Variants in RARB observed in about 807,000 individuals in gnomAD.
RARB encodes HBV-activated protein.
A neutral mutation model predicts 51.9 loss-of-function variants in RARB; 17 were observed. That is an observed-to-expected ratio of 0.33 (90% CI 0.22 to 0.49). RARB has a LOEUF of 0.49. Among genes scored for constraint, RARB ranks in the 20% least tolerant of loss-of-function variants. RARB has a pLI of 0.99. For synonymous variants in RARB, 215 were observed against 195.4 expected, an observed-to-expected ratio of 1.10 and a Z score of -0.84; for missense variants, 369 against 550.8, an observed-to-expected ratio of 0.67 and a Z score of 3.30.
At chr3:24,954,966 A>G (rs930969251) in intron 2 of RARB, among the ~76,000 whole-genome samples, 7 of 152,216 alleles carry the variant, frequency 4.6e-5, no homozygotes, top group African/African-American at 1.7e-4. Context: ...ATGCTCTTCT[A>G]GCAGTTGCTG....
intron 2 of RARB, among the ~76,000 whole-genome samples, chr3:25,047,208 A>G (rs990614880): frequency 6.6e-6 from 1 of 152,230 alleles, no homozygotes; most frequent in African/African-American, 2.4e-5. Context: ...GGTAATTCCA[A>G]GGAAAATAAT....
intron 3 of RARB, among the ~76,000 whole-genome samples, chr3:25,074,628 C>T (rs1698834182): frequency 6.6e-6 from 1 of 152,002 alleles, no homozygotes; most frequent in African/African-American, 2.4e-5. Context: ...TTGCTTTCTC[C>T]TTTATACAAA....
At chr3:25,232,742 C>G (rs150166563) in intron 5 of RARB, among the ~76,000 whole-genome samples, 296 of 152,144 alleles carry the variant, frequency 1.9e-3, no homozygotes, top group Non-Finnish European at 3.1e-3. Flanking sequence ...AAAAATGATT[C>G]ACATTTAGTA....
At chr3:25,415,807 A>G (rs1707686966) in intron 5 of RARB, among the ~76,000 whole-genome samples, 1 of 152,210 alleles carries the variant, frequency 6.6e-6, no homozygotes, top group Non-Finnish European at 1.5e-5. Context: ...TCATTCATTC[A>G]GCAAATACTT....
chr3:25,537,395 A>G (rs1354517076), intron 3 of RARB, among the ~76,000 whole-genome samples: 2 of 152,218 alleles, frequency 1.3e-5, no homozygotes, highest in Admixed American at 1.3e-4. Context: ...GTGTTTGAAT[A>G]GGCCCCGAAT....
rs1225194936 is a variant in RARB, at chr3:25,041,884, G to A, written c.-379-18241G>A. Among the ~76,000 whole-genome samples, 6 of 152,200 alleles carry A rather than the reference G, an allele frequency of 3.9e-5. No individual in the cohort carries two copies. In the East Asian group the frequency reaches 9.7e-4, roughly 25 times the overall value. The stretch of plus-strand genomic sequence containing the variant: ...AAATTTAAGTGGAGGTGGTAATATA[G>A]CATCCATGGAACATGAGAATGTAAA... On this transcript the variant is annotated intron_variant, in intron 2 of 11. Coordinates refer to the RARB transcript ENST00000383772.
At chr3:24,881,961 A>C (rs775885705) in intron 2 of RARB, among the ~76,000 whole-genome samples, 1 of 152,238 alleles carries the variant, frequency 6.6e-6, no homozygotes, top group Non-Finnish European at 1.5e-5. Context: ...AGTTTTATGA[A>C]AAAAAGATAC....
At chr3:24,939,528 T>C (rs775496448) in intron 2 of RARB, among the ~76,000 whole-genome samples, 14 of 152,220 alleles carry the variant, frequency 9.2e-5, no homozygotes, top group African/African-American at 1.2e-4. Flanking sequence ...AAAATATTTG[T>C]TGGGTCAGAA....
chr3:25,340,015 G>C (rs921775833), intron 5 of RARB, among the ~76,000 whole-genome samples: 27 of 152,116 alleles, frequency 1.8e-4, no homozygotes, highest in African/African-American at 7.2e-5. Flanking sequence ...TAAAGACCCT[G>C]CCATGGACAT....
At chr3:24,883,652 T>C (rs1030084593) in intron 2 of RARB, among the ~76,000 whole-genome samples, 7 of 152,144 alleles carry the variant, frequency 4.6e-5, no homozygotes, top group Admixed American at 2.0e-4. Context: ...GTGTTGTTAA[T>C]GGTAAGCCTT....
At chr3:25,468,740 A>C (rs1176358435) in intron 2 of RARB, among the ~76,000 whole-genome samples, 4 of 152,216 alleles carry the variant, frequency 2.6e-5, no homozygotes, top group Admixed American at 1.3e-4. Context: ...ACAAAAAATT[A>C]AAAAAGGAAG....
intron 2 of RARB, among the ~76,000 whole-genome samples, chr3:24,979,539 A>T (rs1292956034): frequency 6.6e-6 from 1 of 151,318 alleles, no homozygotes; most frequent in Non-Finnish European, 1.5e-5. Context: ...AATTTGTTTT[A>T]TCAGAGGCCA....
At chr3:25,149,512 T>A (rs1366183329) in intron 4 of RARB, among the ~76,000 whole-genome samples, 7 of 152,236 alleles carry the variant, frequency 4.6e-5, no homozygotes, top group Non-Finnish European at 1.0e-4. Flanking sequence ...TTGCCAAAGC[T>A]GCATGGGAAA....
upstream of RARB, among the ~76,000 whole-genome samples, chr3:25,426,463 C>A (rs543135711): frequency 6.6e-6 from 1 of 152,352 alleles, no homozygotes; most frequent in African/African-American, 2.4e-5. Context: ...GCATACTTTT[C>A]ATGTTACACC....
At chr3:25,295,677 A>G (rs1436251036) in intron 5 of RARB, among the ~76,000 whole-genome samples, 2 of 152,172 alleles carry the variant, frequency 1.3e-5, no homozygotes, top group African/African-American at 2.4e-5. Flanking sequence ...AAATTCTCCC[A>G]GGCCTAAGAT....
At chr3:25,429,613 G>A (rs1415333866) in intron 1 of RARB, among the ~76,000 whole-genome samples, 10 of 152,136 alleles carry the variant, frequency 6.6e-5, no homozygotes. Flanking sequence ...AGTTCAGCCC[G>A]GAACGTGGAC....
intron 5 of RARB, among the ~76,000 whole-genome samples, chr3:25,328,724 G>A (rs1056291741): frequency 6.6e-6 from 1 of 152,154 alleles, no homozygotes; most frequent in Admixed American, 6.5e-5. Context: ...GCAGGGCGGG[G>A]CATCACTGCA....
chr3:25,181,834 C>G (rs1412285003), intron 5 of RARB, among the ~76,000 whole-genome samples: 1 of 151,988 alleles, frequency 6.6e-6, no homozygotes, highest in East Asian at 1.9e-4. Context: ...TTTATAAAAT[C>G]ATGTCACCGA....
chr3:24,856,590 C>G (rs907552043), intron 1 of RARB, among the ~76,000 whole-genome samples: 1 of 152,190 alleles, frequency 6.6e-6, no homozygotes, highest in Non-Finnish European at 1.5e-5. Context: ...ACTTCTGTAG[C>G]TTCTACCCTC....
Sources: allele counts gnomAD v4.1 joint callset (sites outside exome capture counted in the v4.1 genomes callset), GRCh38; gene constraint gnomAD v4.1.1; transcripts MANE v1.5; gene names NCBI Gene and HGNC (gene_info 2026-07-23, HGNC 2026-07-21).